Variants in CNTN5 observed in about 807,000 individuals in gnomAD.
The protein encoded by CNTN5 is contactin-5.
In CNTN5, 77 loss-of-function variants were observed where a neutral mutation model predicts 129.1. The ratio of observed to expected loss-of-function variants is 0.60; its 90% CI spans 0.50 to 0.72. The LOEUF (loss-of-function observed/expected upper bound fraction) is 0.72, where lower values mean the gene tolerates loss of function less well. Ranked by LOEUF, CNTN5 falls within the 30% of genes least tolerant of loss-of-function variation. The pLI is 0.00. For missense variants in CNTN5, 1,478 were observed against 1,328.8 expected, an observed-to-expected ratio of 1.11 and a Z score of -1.75; for synonymous variants, 509 against 465.6, an observed-to-expected ratio of 1.09 and a Z score of -1.20.
chr11:99,908,937 C>T (rs1475801149), intron 6 of CNTN5, among the ~76,000 whole-genome samples: 1 of 151,920 alleles, frequency 6.6e-6, no homozygotes, highest in Admixed American at 6.6e-5. Context: ...AAATGGCAAG[C>T]CATAGCAAGA....
intron 13 of CNTN5, among the ~76,000 whole-genome samples, chr11:100,149,893 C>A (rs79567850): frequency 2.1e-3 from 249 of 116,950 alleles, no homozygotes; most frequent in East Asian, 2.3e-3. Context: ...GACTCCATCT[C>A]AAAAAAAAAA....
chr11:99,681,251 G>A (rs969032465), intron 3 of CNTN5, among the ~76,000 whole-genome samples: 2 of 152,086 alleles, frequency 1.3e-5, no homozygotes, highest in Admixed American at 6.6e-5. Context: ...AGCAGTGGTA[G>A]TGTTTGAAAG....
intron 3 of CNTN5, among the ~76,000 whole-genome samples, chr11:99,772,374 G>A (rs1231530522): frequency 6.6e-6 from 1 of 152,002 alleles, no homozygotes; most frequent in Non-Finnish European, 1.5e-5. Flanking sequence ...TTATTTTCTA[G>A]AGGAAATGAC....
At chr11:99,689,214 A>G (rs1015508756) in intron 3 of CNTN5, among the ~76,000 whole-genome samples, 1 of 151,786 alleles carries the variant, frequency 6.6e-6, no homozygotes, top group African/African-American at 2.4e-5. Flanking sequence ...ACTAATTTAC[A>G]CTCCTGCCAA....
intron 9 of CNTN5, among the ~76,000 whole-genome samples, chr11:100,015,573 C>T (rs969510618): frequency 2.6e-5 from 4 of 152,052 alleles, no homozygotes; most frequent in Admixed American, 2.6e-4. Flanking sequence ...GTTCTTTTCT[C>T]AAAATATTCT....
intron 3 of CNTN5, among the ~76,000 whole-genome samples, chr11:99,648,898 A>C (rs918177618): frequency 1.3e-5 from 2 of 151,696 alleles, no homozygotes; most frequent in Admixed American, 6.6e-5. Context: ...AGAAGTTGAG[A>C]ATGGTAGGAA....
At chr11:100,337,553 T>G (rs1303646932) in intron 21 of CNTN5, 1 of 744,362 alleles carries the variant, frequency 1.3e-6, no homozygotes, top group Non-Finnish European at 2.5e-6. Flanking sequence ...AAGCTGTGGA[T>G]TTTCTGAGCA....
chr11:100,284,782 T>C (rs1412505421), intron 18 of CNTN5, among the ~76,000 whole-genome samples: 2 of 152,206 alleles, frequency 1.3e-5, no homozygotes, highest in Non-Finnish European at 2.9e-5. Context: ...GGTATAAATC[T>C]CAATATTTGC....
chr11:99,386,675 G>A (rs1012013731), intron 2 of CNTN5, among the ~76,000 whole-genome samples: 4 of 152,140 alleles, frequency 2.6e-5, no homozygotes, highest in African/African-American at 9.7e-5. Flanking sequence ...TGGGAATGCA[G>A]CCCAGTGGGT....
chr11:99,169,537 A>G (rs1300144333), intron 1 of CNTN5, among the ~76,000 whole-genome samples: 1 of 152,152 alleles, frequency 6.6e-6, no homozygotes, highest in East Asian at 1.9e-4. Flanking sequence ...CCTATGAGCC[A>G]TTAATAAGAA....
intron 9 of CNTN5, among the ~76,000 whole-genome samples, chr11:100,019,408 A>T (rs1941008015): frequency 6.6e-6 from 1 of 151,918 alleles, no homozygotes; most frequent in Admixed American, 6.6e-5. Flanking sequence ...TGAGTTTGAC[A>T]TTTTTAAATT....
At chr11:99,495,707 G>C (rs1273842870) in intron 2 of CNTN5, among the ~76,000 whole-genome samples, 2 of 152,160 alleles carry the variant, frequency 1.3e-5, no homozygotes, top group African/African-American at 4.8e-5. Context: ...AAGCCACTTT[G>C]ATAGCAGGGT....
chr11:99,407,804 T>G (rs1942149660), intron 2 of CNTN5, among the ~76,000 whole-genome samples: 1 of 152,134 alleles, frequency 6.6e-6, no homozygotes, highest in South Asian at 2.1e-4. Flanking sequence ...TGGGCAGGCA[T>G]CAGGGGAGTT....
Position 99,143,202 on chromosome 11 carries a change from A to G in CNTN5, c.-210+121932A>G, listed in dbSNP as rs533748285. Among the ~76,000 whole-genome samples the G allele has an allele frequency of 4.9e-4, 75 of 151,892 alleles. 1 individual carries two copies. Among genetic ancestry groups the G allele is most frequent in the Admixed American group, 4.6e-4 (7 of 15,236 alleles). On this transcript the variant is annotated intron_variant, in intron 1 of 24. Coordinates refer to ENST00000524871, the MANE Select transcript of CNTN5 (RefSeq NM_014361.4). ...AACAAAAAAACAAAGAAACAGAGCT[A>G]TACAGCTGTAAAACACTCTACATAG...
chr11:99,523,523 C>T (rs192661335), intron 2 of CNTN5, among the ~76,000 whole-genome samples: 50 of 151,770 alleles, frequency 3.3e-4, no homozygotes, highest in Middle Eastern at 3.4e-3. Flanking sequence ...TGAGCCCTGG[C>T]GATGGAGGTA....
chr11:100,158,575 T>G (rs534912166), intron 13 of CNTN5, among the ~76,000 whole-genome samples: 113 of 151,876 alleles, frequency 7.4e-4, no homozygotes, highest in Non-Finnish European at 1.5e-3. Flanking sequence ...AACAAGAAAC[T>G]TCAATAGAAG....
chr11:99,739,159 C>T (rs1943810456), intron 3 of CNTN5, among the ~76,000 whole-genome samples: 1 of 152,088 alleles, frequency 6.6e-6, no homozygotes, highest in African/African-American at 2.4e-5. Flanking sequence ...CTGCACTTAC[C>T]ACATAGAGCA....
chr11:100,290,919 C>G (rs959461562), intron 18 of CNTN5, among the ~76,000 whole-genome samples: 3 of 151,700 alleles, frequency 2.0e-5, no homozygotes, highest in Non-Finnish European at 4.4e-5. Context: ...AAGAAAAAAA[C>G]AAACAACCCC....
chr11:99,526,454 A>T (rs973828987), intron 2 of CNTN5, among the ~76,000 whole-genome samples: 1 of 152,208 alleles, frequency 6.6e-6, no homozygotes, highest in African/African-American at 2.4e-5. Flanking sequence ...TTACAAAGAG[A>T]TGAAATAGTT....
Sources: allele counts gnomAD v4.1 joint callset (sites outside exome capture counted in the v4.1 genomes callset), GRCh38; gene constraint gnomAD v4.1.1; transcripts MANE v1.5; gene names NCBI Gene and HGNC (gene_info 2026-07-23, HGNC 2026-07-21).